Variants in OXR1 observed in about 807,000 individuals in gnomAD.
The protein encoded by OXR1 is oxidation resistance protein 1.
OXR1 carries 41 observed loss-of-function variants against 104.6 expected under a neutral mutation model. The ratio of observed to expected loss-of-function variants is 0.39; its 90% CI spans 0.31 to 0.51. OXR1 has a LOEUF of 0.51. Among genes scored for constraint, OXR1 ranks in the 20% least tolerant of loss-of-function variants. OXR1 has a pLI of 0.77. For missense variants in OXR1, 955 were observed against 1,031.9 expected (o/e 0.93, Z 1.02); for synonymous variants, 348 against 348.4 (o/e 1.00, Z 0.01).
intron 2 of OXR1, among the ~76,000 whole-genome samples, chr8:106,487,196 G>A (rs941858511): frequency 1.3e-5 from 2 of 151,600 alleles, no homozygotes; most frequent in Non-Finnish European, 2.9e-5. Flanking sequence ...GCTAATTTTT[G>A]TATTTTTAGT....
At chr8:106,543,047 T>C (rs1201359998) in intron 3 of OXR1, among the ~76,000 whole-genome samples, 1 of 152,172 alleles carries the variant, frequency 6.6e-6, no homozygotes, top group Non-Finnish European at 1.5e-5. Context: ...AGTCCTATTT[T>C]ATTTTCTGTG....
intron 2 of OXR1, among the ~76,000 whole-genome samples, chr8:106,366,437 C>T (rs536823243): frequency 1.4e-4 from 22 of 152,216 alleles, no homozygotes; most frequent in African/African-American, 3.1e-4. Context: ...AAATCGTCTA[C>T]GATATAATTT....
intron 9 of OXR1, 139 bp downstream of exon 9, chr8:106,707,284 A>G: frequency 1.4e-6 from 1 of 732,122 alleles, no homozygotes; most frequent in Non-Finnish European, 2.4e-6. Flanking sequence ...TTCTCTGGGG[A>G]CAAGTATATA....
intron 2 of OXR1, among the ~76,000 whole-genome samples, chr8:106,518,293 GA>G (rs1193118962): frequency 6.6e-6 from 1 of 152,214 alleles, no homozygotes; most frequent in Non-Finnish European, 1.5e-5. Context: ...TGTGTAGCTT[GA>G]AATGTTTGAA....
chr8:106,494,854 C>A (rs143847792), intron 2 of OXR1, among the ~76,000 whole-genome samples: 11 of 152,272 alleles, frequency 7.2e-5, no homozygotes, highest in Non-Finnish European at 1.2e-4. Flanking sequence ...CCTTTTAAAT[C>A]TCTGTGTAAT....
chr8:106,320,680 G>C (rs200946807), intron 1 of OXR1, among the ~76,000 whole-genome samples: 1 of 74,514 alleles, frequency 1.3e-5, no homozygotes, highest in Non-Finnish European at 2.4e-5. Flanking sequence ...TTCTTTTTTT[G>C]GGGGGGGCGG....
intron 2 of OXR1, among the ~76,000 whole-genome samples, chr8:106,429,023 T>A (rs1819250561): frequency 6.6e-6 from 1 of 152,078 alleles, no homozygotes; most frequent in African/African-American, 2.4e-5. Flanking sequence ...TTGGAGTCAT[T>A]ACGCTACTTA....
chr8:106,429,433 T>C (rs1208231224), intron 2 of OXR1, among the ~76,000 whole-genome samples: 1 of 152,006 alleles, frequency 6.6e-6, no homozygotes, highest in Non-Finnish European at 1.5e-5. Context: ...GCTGAGGTGG[T>C]TGGATCACCT....
chr8:106,570,647 A>G (rs1817406481), intron 3 of OXR1, among the ~76,000 whole-genome samples: 1 of 152,088 alleles, frequency 6.6e-6, no homozygotes, highest in Admixed American at 6.5e-5. Flanking sequence ...ACCCTTTTTC[A>G]TGCTGTCTTC....
At chr8:106,290,401 G>T (rs1251811010) in intron 1 of OXR1, among the ~76,000 whole-genome samples, 1 of 152,106 alleles carries the variant, frequency 6.6e-6, no homozygotes. Context: ...GGCAAAGAAT[G>T]TTTTGCTAAG....
intron 2 of OXR1, among the ~76,000 whole-genome samples, chr8:106,364,776 C>T (rs1310421349): frequency 6.6e-6 from 1 of 152,070 alleles, no homozygotes; most frequent in South Asian, 2.1e-4. Context: ...TTCTTTGGCA[C>T]CTGCATTTAG....
At chr8:106,480,687 T>C (rs1463104086) in intron 2 of OXR1, among the ~76,000 whole-genome samples, 1 of 151,756 alleles carries the variant, frequency 6.6e-6, no homozygotes, top group Non-Finnish European at 1.5e-5. Context: ...ATGGGGGAGG[T>C]ATCTGGCTTT....
At chr8:106,411,621 C>T (rs1818461306) in intron 2 of OXR1, among the ~76,000 whole-genome samples, 1 of 152,102 alleles carries the variant, frequency 6.6e-6, no homozygotes, top group South Asian at 2.1e-4. Flanking sequence ...GTAAATAATA[C>T]ATATTGATTG....
chr8:106,663,281 G>A (rs562466589), intron 3 of OXR1, among the ~76,000 whole-genome samples: 3 of 152,242 alleles, frequency 2.0e-5, no homozygotes, highest in African/African-American at 7.2e-5. Context: ...ATTTATTTGG[G>A]TGTTTTCTTA....
chr8:106,610,472 C>A (rs994207371), intron 3 of OXR1, among the ~76,000 whole-genome samples: 14 of 152,208 alleles, frequency 9.2e-5, no homozygotes, highest in African/African-American at 3.4e-4. Flanking sequence ...AAATCCAAAT[C>A]CTCAATACAA....
At chr8:106,414,863 T>G (rs1051810984) in intron 2 of OXR1, among the ~76,000 whole-genome samples, 2 of 152,140 alleles carry the variant, frequency 1.3e-5, no homozygotes, top group Non-Finnish European at 2.9e-5. Flanking sequence ...ACCAGGGAGC[T>G]ACTGAGGGTT....
chr8:106,411,871 T>C (rs375527774), intron 2 of OXR1, among the ~76,000 whole-genome samples: 1 of 152,280 alleles, frequency 6.6e-6, no homozygotes, highest in East Asian at 1.9e-4. Context: ...TTGTATTATA[T>C]ACAGGGTCTT....
At chr8:106,324,819 G>C (rs960919832) in intron 1 of OXR1, among the ~76,000 whole-genome samples, 6 of 152,114 alleles carry the variant, frequency 3.9e-5, no homozygotes, top group South Asian at 4.1e-4. Flanking sequence ...AATATTTTAG[G>C]CTTTTGGAAC....
chr8:106,510,837 A>G (rs1484414874), intron 2 of OXR1, among the ~76,000 whole-genome samples: 3 of 152,216 alleles, frequency 2.0e-5, no homozygotes, highest in Admixed American at 1.3e-4. Flanking sequence ...TTAGAAACAC[A>G]TCTTGTTATA....
Sources: allele counts gnomAD v4.1 joint callset (sites outside exome capture counted in the v4.1 genomes callset), GRCh38; gene constraint gnomAD v4.1.1; transcripts MANE v1.5; gene names NCBI Gene and HGNC (gene_info 2026-07-23, HGNC 2026-07-21).